Variants in DEPDC5 observed in about 807,000 individuals in gnomAD.
The protein encoded by DEPDC5 is DEP domain containing 5, GATOR1 subcomplex subunit.
In DEPDC5, 73 loss-of-function variants were observed where a neutral mutation model predicts 217.3. That is an observed-to-expected ratio of 0.34 (90% CI 0.28 to 0.41). DEPDC5 has a LOEUF of 0.41. Ranked by LOEUF, DEPDC5 falls within the 10% of genes least tolerant of loss-of-function variation. The pLI, the probability that DEPDC5 is intolerant of heterozygous loss-of-function variation, is 1.00. For synonymous variants in DEPDC5, 733 were observed against 756.7 expected, an observed-to-expected ratio of 0.97 and a Z score of 0.51; for missense variants, 1,675 against 2,070.1, an observed-to-expected ratio of 0.81 and a Z score of 3.70.
intron 31 of DEPDC5, among the ~76,000 whole-genome samples, chr22:31,854,991 G>A (rs1465471025): frequency 2.7e-5 from 4 of 149,118 alleles, no homozygotes; most frequent in Admixed American, 6.7e-5. Flanking sequence ...TTAAGACAGA[G>A]TCTTGTTGTG....
chr22:31,859,341 T>G (rs1446889952), intron 32 of DEPDC5, among the ~76,000 whole-genome samples: 1 of 151,504 alleles, frequency 6.6e-6, no homozygotes, highest in East Asian at 1.9e-4. Flanking sequence ...TCCGCCTGCC[T>G]CTGTCTCCCA....
intron 32 of DEPDC5, chr22:31,858,721 T>C (rs538811741): frequency 6.6e-6 from 1 of 152,368 alleles, no homozygotes; most frequent in African/African-American, 2.4e-5. Context: ...CCTTAATTTA[T>C]AACTTCTTTT....
chr22:31,851,564 A>C (rs912965427), intron 31 of DEPDC5, among the ~76,000 whole-genome samples: 1 of 152,064 alleles, frequency 6.6e-6, no homozygotes, highest in African/African-American at 2.4e-5. Flanking sequence ...CCCTGACTTG[A>C]CTGTGTGCTC....
At chr22:31,886,131 T>C (rs2093306485) in intron 38 of DEPDC5, among the ~76,000 whole-genome samples, 1 of 152,054 alleles carries the variant, frequency 6.6e-6, no homozygotes, top group South Asian at 2.1e-4. Context: ...AAGCAGTCTT[T>C]CCACCTGAGC....
At chr22:31,800,908 G>A (rs1378260082) in intron 14 of DEPDC5, among the ~76,000 whole-genome samples, 2 of 152,012 alleles carry the variant, frequency 1.3e-5, no homozygotes, top group African/African-American at 2.4e-5. Context: ...CCTGGGAGGT[G>A]GAGGTTGTGG....
At chr22:31,879,097 C>T (rs1476301988) in intron 37 of DEPDC5, among the ~76,000 whole-genome samples, 3 of 128,848 alleles carry the variant, frequency 2.3e-5, no homozygotes, top group South Asian at 2.3e-4. Context: ...TATATATACA[C>T]ATATATATAC....
chr22:31,842,020 G>A (rs1396251994), intron 27 of DEPDC5, among the ~76,000 whole-genome samples: 2 of 152,088 alleles, frequency 1.3e-5, no homozygotes, highest in Non-Finnish European at 2.9e-5. Context: ...CCTCTTTCCT[G>A]CGTTCAGTTC....
At position 31,846,866 on chromosome 22, in the gene DEPDC5, T is replaced by C. The variant is rs372062387; in HGVS notation, c.3054T>C (p.Thr1018=). 9.9e-6 allele frequency: 16 copies of C among 1,614,068 alleles called. No individual in the cohort carries two copies. The African/African-American group carries it at 1.7e-4, about 17-fold the overall frequency. The change falls in exon 31 of 43, where the codon ACT becomes ACC. Residue 1018 remains threonine (T), a synonymous_variant. Transcript: ENST00000651528. ...CCGCCATGAAAGGCTTGCAGATGAC[T>C]GGGCCCATTTCCACGCATTCTCTGG... ...KGTAMKGLQM[T]GPISTHSLES...
At chr22:31,895,342 G>A (rs989855034) in intron 39 of DEPDC5, among the ~76,000 whole-genome samples, 1 of 152,058 alleles carries the variant, frequency 6.6e-6, no homozygotes, top group Non-Finnish European at 1.5e-5. Flanking sequence ...CTTCCTGCCT[G>A]TCCTTTCTCC....
intron 7 of DEPDC5, among the ~76,000 whole-genome samples, chr22:31,777,189 A>G (rs999268940): frequency 1.3e-5 from 2 of 149,344 alleles, no homozygotes; most frequent in African/African-American, 5.0e-5. Context: ...CGAACTCCTG[A>G]CCTCAGGTGA....
intron 37 of DEPDC5, among the ~76,000 whole-genome samples, chr22:31,878,407 A>AACTGATC (rs1465998423): frequency 3.3e-5 from 5 of 152,138 alleles, no homozygotes; most frequent in African/African-American, 1.2e-4. Flanking sequence ...TGAGGTATGA[A>AACTGATC]ACTGATCATA....
intron 17 of DEPDC5, 128 bp downstream of exon 17, chr22:31,805,043 TC>T: frequency 1.2e-6 from 1 of 842,456 alleles, no homozygotes; most frequent in Non-Finnish European, 1.9e-6. Flanking sequence ...GAAACCAAGT[TC>T]TAACATTTGC....
intron 12 of DEPDC5, 65 bp downstream of exon 12, chr22:31,792,882 A>G (rs1226957422): frequency 2.2e-6 from 3 of 1,366,020 alleles, no homozygotes; most frequent in Admixed American, 5.9e-5. Context: ...TAACTTAAAA[A>G]TAAGTCAGCC....
chr22:31,852,563 T>C (rs1242695325), intron 31 of DEPDC5, among the ~76,000 whole-genome samples: 1 of 152,170 alleles, frequency 6.6e-6, no homozygotes, highest in Non-Finnish European at 1.5e-5. Flanking sequence ...GATCTTGAAC[T>C]CCCGACCTCA....
intron 38 of DEPDC5, among the ~76,000 whole-genome samples, chr22:31,893,182 A>G (rs2093477935): frequency 6.6e-6 from 1 of 152,024 alleles, no homozygotes; most frequent in Non-Finnish European, 1.5e-5. Context: ...CTGGTGTTGT[A>G]TATTCTGTAG....
In DEPDC5 at chr22:31,754,119, G is replaced by C. The variant is rs942206015; in HGVS notation, c.-106G>C. 1 of 152,912 alleles carries C rather than the reference G, an allele frequency of 6.5e-6. No individual in the cohort carries two copies. The highest frequency in any genetic ancestry group is 2.4e-5 in the African/African-American group (1 of 41,486). The allele number at this position is 152,912 out of a possible 1,614,324, so 9.5% of individuals were successfully genotyped here. A position where few individuals can be genotyped will look rare whatever the true frequency, so the allele number is the denominator to read the frequency against. On this transcript the variant is annotated 5_prime_UTR_variant, in exon 1 of 43. Coordinates refer to ENST00000651528, the MANE Select transcript of DEPDC5 (RefSeq NM_001242896.3). ...GCGCAGGGAACCTGGAGAGGGTCCAGCCCTCAGTGCCCCGGCCAGAGGCGG... is the reference window on the plus strand; with the variant it reads ...GCGCAGGGAACCTGGAGAGGGTCCACCCCTCAGTGCCCCGGCCAGAGGCGG...
At chr22:31,859,710 C>T (rs2092445638) in intron 32 of DEPDC5, among the ~76,000 whole-genome samples, 1 of 152,186 alleles carries the variant, frequency 6.6e-6, no homozygotes, top group Admixed American at 6.5e-5. Context: ...CCATTCTTAG[C>T]TCACTGGCTG....
chr22:31,896,916 G>A (rs552278539), intron 39 of DEPDC5, among the ~76,000 whole-genome samples: 28 of 152,178 alleles, frequency 1.8e-4, no homozygotes, highest in South Asian at 1.5e-3. Flanking sequence ...TCAGGAGTTC[G>A]AGACCATACT....
chr22:31,855,199 G>A (rs907151983), intron 31 of DEPDC5, among the ~76,000 whole-genome samples: 1 of 151,968 alleles, frequency 6.6e-6, no homozygotes, highest in Non-Finnish European at 1.5e-5. Context: ...TTCTGACCTC[G>A]TGATCCACCC....
Sources: gnomAD v4.1 joint callset for allele counts (sites outside exome capture counted in the v4.1 genomes callset) on GRCh38, gnomAD v4.1.1 for gene constraint, MANE v1.5 for transcripts, NCBI Gene and HGNC (gene_info 2026-07-23, HGNC 2026-07-21) for gene names.